CSMD1: variants seen among roughly 807,000 people sequenced by gnomAD.
The protein encoded by CSMD1 is CUB and sushi domain-containing protein 1.
In CSMD1, 213 loss-of-function variants were observed where a neutral mutation model predicts 417.5. That is an observed-to-expected ratio of 0.51 (90% confidence interval 0.46 to 0.57). CSMD1 has a LOEUF of 0.57. CSMD1 is among the 20% of genes least tolerant of loss of function. CSMD1 has a pLI of 0.00. For synonymous variants in CSMD1, 2,862 were observed against 1,736.8 expected, an observed-to-expected ratio of 1.65 and a Z score of -16.11; for missense variants, 6,923 against 4,529.7, an observed-to-expected ratio of 1.53 and a Z score of -15.17.
intron 1 of CSMD1, among the ~76,000 whole-genome samples, chr8:4,670,380 T>A (rs1476797774): frequency 6.6e-6 from 1 of 152,128 alleles, no homozygotes; most frequent in Non-Finnish European, 1.5e-5. Flanking sequence ...AAATACATGT[T>A]CTCCTAATAA....
At chr8:3,751,900 C>T (rs115838263) in intron 6 of CSMD1, among the ~76,000 whole-genome samples, 2,190 of 152,304 alleles carry the variant, frequency 0.014, 23 homozygotes, top group Middle Eastern at 0.045. Flanking sequence ...AGAGACAAAT[C>T]TGTTAATCAA....
At chr8:3,718,778 G>A (rs930065019) in intron 6 of CSMD1, among the ~76,000 whole-genome samples, 1 of 152,092 alleles carries the variant, frequency 6.6e-6, no homozygotes, top group Non-Finnish European at 1.5e-5. Context: ...TACCAAATCA[G>A]GGACCCCATT....
chr8:4,527,324 C>T (rs953682158), intron 2 of CSMD1, among the ~76,000 whole-genome samples: 7 of 152,090 alleles, frequency 4.6e-5, no homozygotes, highest in Non-Finnish European at 8.8e-5. Context: ...TATAAGTCTT[C>T]CTCTGCCCTT....
intron 3 of CSMD1, among the ~76,000 whole-genome samples, chr8:4,321,110 A>C (rs554481319): frequency 3.3e-5 from 5 of 152,132 alleles, no homozygotes; most frequent in African/African-American, 1.2e-4. Context: ...TCTAGACTCT[A>C]GTCTAAATCA....
intron 12 of CSMD1, among the ~76,000 whole-genome samples, chr8:3,414,649 T>C (rs143021307): frequency 1.3e-5 from 2 of 152,298 alleles, no homozygotes; most frequent in Non-Finnish European, 2.9e-5. Flanking sequence ...CCAGATCCTA[T>C]CCAGGACTCA....
chr8:4,414,180 G>A (rs60665563), intron 3 of CSMD1, among the ~76,000 whole-genome samples: 1 of 152,140 alleles, frequency 6.6e-6, no homozygotes, highest in Non-Finnish European at 1.5e-5. Context: ...TAATAATCTA[G>A]CTGCTCTTTC....
At chr8:3,896,135 C>T (rs1200996668) in intron 5 of CSMD1, among the ~76,000 whole-genome samples, 1 of 152,232 alleles carries the variant, frequency 6.6e-6, no homozygotes, top group East Asian at 1.9e-4. Flanking sequence ...GAGTAACAAG[C>T]CCAATTTGAT....
At chr8:4,824,159 G>A (rs754598616) in intron 1 of CSMD1, among the ~76,000 whole-genome samples, 4 of 151,538 alleles carry the variant, frequency 2.6e-5, no homozygotes, top group African/African-American at 4.8e-5. Context: ...AACAATTGAT[G>A]CCTATATATA....
At chr8:3,738,983 G>A (rs192085720) in intron 6 of CSMD1, among the ~76,000 whole-genome samples, 11 of 152,232 alleles carry the variant, frequency 7.2e-5, no homozygotes, top group Admixed American at 3.3e-4. Flanking sequence ...CTTTAGACAT[G>A]ATCTATTCAG....
chr8:3,263,601 T>C (rs1345312257), intron 26 of CSMD1, among the ~76,000 whole-genome samples: 1 of 152,244 alleles, frequency 6.6e-6, no homozygotes, highest in Non-Finnish European at 1.5e-5. Flanking sequence ...GTTTTAATAT[T>C]TTTAGTATGA....
At chr8:3,173,431 T>C (rs1345503823) in intron 37 of CSMD1, among the ~76,000 whole-genome samples, 1 of 152,182 alleles carries the variant, frequency 6.6e-6, no homozygotes, top group Non-Finnish European at 1.5e-5. Context: ...TTGATTGATA[T>C]TAATGAAAGC....
At chr8:3,750,572 C>T (rs1402719131) in intron 6 of CSMD1, among the ~76,000 whole-genome samples, 1 of 151,798 alleles carries the variant, frequency 6.6e-6, no homozygotes, top group Non-Finnish European at 1.5e-5. Context: ...GTATTTAGTT[C>T]AGATAAAAGG....
At chr8:4,403,012 T>C (rs1050888657) in intron 3 of CSMD1, among the ~76,000 whole-genome samples, 5 of 151,764 alleles carry the variant, frequency 3.3e-5, no homozygotes, top group Admixed American at 2.6e-4. Context: ...GTTGTTTTTT[T>C]AGTGGAGACG....
intron 3 of CSMD1, among the ~76,000 whole-genome samples, chr8:4,151,355 A>T (rs1444570073): frequency 6.6e-6 from 1 of 152,234 alleles, no homozygotes; most frequent in Non-Finnish European, 1.5e-5. Flanking sequence ...TTACAGTGAG[A>T]CATTAACTAC....
At chr8:4,036,801 A>G (rs1585179617) in intron 3 of CSMD1, among the ~76,000 whole-genome samples, 1 of 152,248 alleles carries the variant, frequency 6.6e-6, no homozygotes, top group South Asian at 2.1e-4. Flanking sequence ...TATAACATGG[A>G]TGAGAAAAAT....
chr8:4,778,506 G>C (rs1033546590), intron 1 of CSMD1, among the ~76,000 whole-genome samples: 12 of 152,158 alleles, frequency 7.9e-5, no homozygotes, highest in African/African-American at 2.9e-4. Context: ...TGCACTGTAA[G>C]TGGCACGGTA....
intron 1 of CSMD1, among the ~76,000 whole-genome samples, chr8:4,888,569 C>A (rs1445024163): frequency 6.6e-6 from 1 of 151,738 alleles, no homozygotes; most frequent in Non-Finnish European, 1.5e-5. Flanking sequence ...GACCCCTGTA[C>A]CCTAACTCTA....
At position 3,406,033 on chromosome 8, in the gene CSMD1, A is replaced by T. The variant is rs887192475; in HGVS notation, c.2260T>A (p.Cys754Ser). ...NVVWSSTVPRCEAPCGGHLTA... is the reference protein window; with the variant it reads ...NVVWSSTVPRSEAPCGGHLTA... ...GGGGTGGCAGGGACTGCACCTTCAC[A>T]GCGGGGCACGGTGGAGCTCCAGACC... is the stretch of plus-strand genomic sequence containing the variant. The change falls in exon 15 of 70, where the codon TGT (cysteine) becomes AGT (serine). Residue 754 changes from cysteine (C) to serine (S), a missense_variant. By Grantham distance (112) the Cys-to-Ser change is moderately radical. Transcript: ENST00000635120. 6.2e-7 allele frequency: 1 copy of T among 1,613,492 alleles called. No individual in the cohort carries two copies. Among genetic ancestry groups the T allele is most frequent in the Non-Finnish European group, 8.5e-7 (1 of 1,179,750 alleles).
intron 5 of CSMD1, among the ~76,000 whole-genome samples, chr8:3,832,671 C>T (rs1159183704): frequency 3.3e-5 from 5 of 151,946 alleles, no homozygotes; most frequent in Non-Finnish European, 4.4e-5. Flanking sequence ...ATTCAAGGAC[C>T]GTGGACACTA....
Sources: gnomAD v4.1 joint callset for allele counts (sites outside exome capture counted in the v4.1 genomes callset) on GRCh38, gnomAD v4.1.1 for gene constraint, MANE v1.5 for transcripts, NCBI Gene and HGNC (gene_info 2026-07-23, HGNC 2026-07-21) for gene names.